Variants in TDRD5 observed in about 807,000 individuals in gnomAD.
TDRD5 encodes tudor domain containing 5.
A neutral mutation model predicts 120.6 loss-of-function variants in TDRD5; 41 were observed. The ratio of observed to expected loss-of-function variants is 0.34; its 90% confidence interval spans 0.26 to 0.44. TDRD5 has a LOEUF of 0.44. TDRD5 is among the 20% of genes least tolerant of loss of function. The pLI is 1.00. For missense variants in TDRD5, 1,006 were observed against 1,221.2 expected (o/e 0.82, Z 2.63); for synonymous variants, 430 against 433.7 (o/e 0.99, Z 0.11).
At position 179,618,559 on chromosome 1, in the gene TDRD5, A is replaced by AG. The variant is rs1676678467; in HGVS notation, c.832-35dup. On this transcript the variant is annotated intron_variant, in intron 4 of 17. Coordinates refer to ENST00000444136, the MANE Select transcript of TDRD5 (RefSeq NM_001199085.3). ...GATCTACCTTTGACTTTCTTTGGTC[A>AG]GGGGGACTGTGACTTGACTTTTTTT... The AG allele has an allele frequency of 1.3e-5, 20 of 1,496,770 alleles. No homozygotes were observed. The East Asian group carries it at 4.7e-4, about 35-fold the overall frequency. 92.7% of individuals were successfully genotyped at this position (1,496,770 alleles called of 1,614,324 possible). A position where few individuals can be genotyped will look rare whatever the true frequency, so the allele number is the denominator to read the frequency against.
intron 6 of TDRD5, among the ~76,000 whole-genome samples, chr1:179,630,392 T>A (rs1284360925): frequency 6.6e-6 from 1 of 152,232 alleles, no homozygotes. Context: ...GAATATTATC[T>A]TTATTGGAAA....
Position 179,654,238 on chromosome 1 carries a change from A to C in TDRD5, c.2198A>C (p.Lys733Thr). The C allele has an allele frequency of 6.5e-7, 1 of 1,548,466 alleles. No homozygotes were observed. Among genetic ancestry groups the C allele is most frequent in the Non-Finnish European group, 8.7e-7 (1 of 1,145,878 alleles). ...INDEKSLSHL[K>T]SESKEPLKDS... ...GATGAAAAGTCTTTAAGTCATCTTA[A>C]ATCTGAGTCAAAGGAGCCATTAAAG... The change falls in exon 14 of 18, where the codon AAA becomes ACA. Residue 733 changes from lysine (K) to threonine (T), a missense_variant. Physicochemically the swap from Lys to Thr is moderately conservative, Grantham distance 78. This residue lies in a region of TDRD5 where 403 missense variants were observed against 448.1 expected (regional missense o/e 0.90). Coordinates refer to ENST00000444136, the MANE Select transcript of TDRD5 (RefSeq NM_001199085.3).
chr1:179,617,851 C>T (rs1441286459), intron 4 of TDRD5, among the ~76,000 whole-genome samples: 1 of 152,124 alleles, frequency 6.6e-6, no homozygotes, highest in Non-Finnish European at 1.5e-5. Flanking sequence ...CCATTGACTT[C>T]TCTCTACTAA....
rs76739061 is a variant in TDRD5, at chr1:179,630,949, C to G, written c.1126+29C>G. The G allele has an allele frequency of 5.3e-3, 8,428 of 1,588,576 alleles. 257 individuals carry two copies. In the Admixed American group the frequency reaches 0.071, roughly 13 times the overall value. On this transcript the variant is annotated intron_variant, in intron 7 of 17. Transcript: ENST00000444136. Reference sequence around the variant, plus strand: ...AGTGGAACCACAGTATGATGCAAACCTCATTTTTATTGTCCTTATGAGGAC... The same window carrying G: ...AGTGGAACCACAGTATGATGCAAACGTCATTTTTATTGTCCTTATGAGGAC...
At chr1:179,632,410 T>C (rs940853410) in intron 7 of TDRD5, among the ~76,000 whole-genome samples, 35 of 151,210 alleles carry the variant, frequency 2.3e-4, no homozygotes, top group African/African-American at 7.5e-4. Flanking sequence ...TTTTTTTTTT[T>C]CAAAATGTAA....
intron 17 of TDRD5, among the ~76,000 whole-genome samples, chr1:179,683,643 A>G (rs189030665): frequency 6.6e-6 from 1 of 152,300 alleles, no homozygotes; most frequent in East Asian, 1.9e-4. Context: ...TTTTCTCTGA[A>G]TTTTTTGAAA....
chr1:179,663,436 A>C lies in TDRD5; in HGVS notation c.2594A>C (p.Lys865Thr). The C allele has an allele frequency of 6.2e-7, 1 of 1,613,876 alleles. No homozygotes were observed. Among genetic ancestry groups the C allele is most frequent in the Non-Finnish European group, 8.5e-7 (1 of 1,179,898 alleles). ...AATGGAACGAAAGTAGAAGTTCATA[A>C]GCCAGAAGTACTGGGTGCTCAGGAA... ...LVNGTKVEVHKPEVLGAQEKN... is the reference protein window; with the variant it reads ...LVNGTKVEVHTPEVLGAQEKN... The change falls in exon 16 of 18, where the codon AAG becomes ACG. Residue 865 changes from lysine (K) to threonine (T), a missense_variant. Coordinates refer to ENST00000444136, the MANE Select transcript of TDRD5 (RefSeq NM_001199085.3).
At position 179,629,204 on chromosome 1, in the gene TDRD5, A is replaced by G. The variant is rs556512240; in HGVS notation, c.973-1563A>G. 9.9e-5 allele frequency among the ~76,000 whole-genome samples: 15 copies of G among 152,282 alleles called. No individual in the cohort carries two copies. In the South Asian group the frequency reaches 3.1e-3, roughly 32 times the overall value. ...ATGGCAGCTTACATTTTCATGACCA[A>G]TTTAGCAGATAACAACCCAATATAA... On this transcript the variant is annotated intron_variant, in intron 6 of 17. Transcript: ENST00000444136.
chr1:179,600,123 G>A (rs1675628429), intron 4 of TDRD5, among the ~76,000 whole-genome samples: 1 of 152,022 alleles, frequency 6.6e-6, no homozygotes, highest in African/African-American at 2.4e-5. Flanking sequence ...GCATATTATT[G>A]TCCCTGAACA....
At chr1:179,595,211 A>G (rs1675324483) in intron 3 of TDRD5, among the ~76,000 whole-genome samples, 1 of 152,094 alleles carries the variant, frequency 6.6e-6, no homozygotes, top group Non-Finnish European at 1.5e-5. Flanking sequence ...TTTATATTTT[A>G]TTCTGTAGCT....
chr1:179,628,919 T>TTTGTTGTTGTTG (rs141689839), intron 6 of TDRD5, among the ~76,000 whole-genome samples: 5,558 of 151,280 alleles, frequency 0.037, 161 homozygotes, highest in Non-Finnish European at 0.052. Context: ...GACTGAGGAA[T>TTTGTTGTTGTTG]TTGTTGTTGT....
intron 9 of TDRD5, among the ~76,000 whole-genome samples, chr1:179,637,235 A>G (rs763861992): frequency 2.6e-5 from 4 of 152,342 alleles, no homozygotes; most frequent in African/African-American, 2.4e-5. Flanking sequence ...AAGTCACATA[A>G]TCACTTGGTA....
chr1:179,640,350 G>T, intron 10 of TDRD5, 29 bp from the exon 11 acceptor site: 1 of 1,613,096 alleles, frequency 6.2e-7, no homozygotes, highest in South Asian at 1.1e-5. Flanking sequence ...CAGGAAGATT[G>T]AACTTACATA....
intron 3 of TDRD5, among the ~76,000 whole-genome samples, chr1:179,595,009 G>A (rs10753200): frequency 0.64 from 97,649 of 151,848 alleles, 32,018 homozygotes; most frequent in Admixed American, 0.73. Context: ...TCCTACTTCT[G>A]TCATCAGGAT....
chr1:179,690,771 G>A lies in TDRD5; in HGVS notation c.2936G>A (p.Arg979His), dbSNP rs570123255. 3.5e-5 allele frequency: 56 copies of A among 1,614,224 alleles called. 2 individuals carry two copies. In the South Asian group the frequency reaches 4.9e-4, roughly 14 times the overall value. ...SRAITLYKDK[R>H]QESVDQLSLI... The stretch of plus-strand genomic sequence containing the variant: ...GCTATTACATTGTACAAAGACAAGC[G>A]TCAAGAATCTGTAGACCAGCTGTCT... The change falls in exon 18 of 18, where the codon CGT becomes CAT. Residue 979 changes from arginine (R) to histidine (H), a missense_variant. Coordinates refer to ENST00000444136, the MANE Select transcript of TDRD5 (RefSeq NM_001199085.3).
At chr1:179,647,466 A>G (rs1036464721) in intron 11 of TDRD5, among the ~76,000 whole-genome samples, 2 of 152,140 alleles carry the variant, frequency 1.3e-5, no homozygotes, top group African/African-American at 4.8e-5. Context: ...TGGATTAAAG[A>G]CTTAAACGTT....
At chr1:179,628,087 C>A (rs1464262208) in intron 6 of TDRD5, among the ~76,000 whole-genome samples, 1 of 152,092 alleles carries the variant, frequency 6.6e-6, no homozygotes, top group African/African-American at 2.4e-5. Flanking sequence ...AAACATAAAT[C>A]TGATCAAGCC....
chr1:179,628,303 T>G, intron 6 of TDRD5, among the ~76,000 whole-genome samples: 1 of 146,378 alleles, frequency 6.8e-6, no homozygotes, highest in Admixed American at 7.2e-5. Flanking sequence ...ATCAATTTAT[T>G]TATTTCTTTT....
chr1:179,652,039 G>T lies in TDRD5; in HGVS notation c.2002G>T (p.Gly668Cys). 1 of 1,608,762 alleles carries T rather than the reference G, an allele frequency of 6.2e-7. No individual in the cohort carries two copies. The highest frequency in any genetic ancestry group is 8.5e-7 in the Non-Finnish European group (1 of 1,178,582). ...ATCCCTTTTCTTTTTTTAATCTTAG[G>T]GTTTCAGTGAGCTCAACCCTTTAGC... ...IVCRENISSK[G>C]FSELNPLALY... The change falls in exon 13 of 18, where the codon GGT becomes TGT. Residue 668 changes from glycine (G) to cysteine (C), a missense_variant and splice_region_variant. Transcript: ENST00000444136.
Sources: gnomAD v4.1 joint callset for allele counts (sites outside exome capture counted in the v4.1 genomes callset) on GRCh38, gnomAD v4.1.1 for gene constraint, gnomAD v4.1.1 regional missense constraint, MANE v1.5 for transcripts, NCBI Gene and HGNC (gene_info 2026-07-23, HGNC 2026-07-21) for gene names.